The following PRELID2 variants were observed in gnomAD, a reference collection of about 807,000 sequenced individuals.
PRELID2 encodes PRELI domain containing 2, also known as PRELI domain-containing protein 2.
PRELID2 carries 25 observed loss-of-function variants against 28.4 expected under a neutral mutation model. The ratio of observed to expected loss-of-function variants is 0.88; its 90% CI spans 0.64 to 1.23. PRELID2 has a LOEUF of 1.23. Ranked by LOEUF, PRELID2 falls within the 50% of genes most tolerant of loss-of-function variation. The pLI is 0.00. For synonymous variants in PRELID2, 76 were observed against 71.6 expected, an observed-to-expected ratio of 1.06 and a Z score of -0.31; for missense variants, 201 against 214.4, an observed-to-expected ratio of 0.94 and a Z score of 0.39.
intron 1 of PRELID2, among the ~76,000 whole-genome samples, chr5:145,623,941 G>A (rs548770282): frequency 1.3e-4 from 20 of 152,244 alleles, no homozygotes; most frequent in Non-Finnish European, 2.2e-4. Flanking sequence ...TCAGATGCCA[G>A]TTGCAAGTAC....
chr5:145,454,377 G>C, the PRELID2 span, among the ~76,000 whole-genome samples: 1 of 152,162 alleles, frequency 6.6e-6, no homozygotes, highest in Admixed American at 6.5e-5. Flanking sequence ...CACAAGACAA[G>C]GATGCCCTCT....
At chr5:145,351,132 T>C in the PRELID2 span, among the ~76,000 whole-genome samples, 1 of 152,122 alleles carries the variant, frequency 6.6e-6, no homozygotes, top group Non-Finnish European at 1.5e-5. Flanking sequence ...AGCCAGTAAA[T>C]GGCAGAGATG....
intron 5 of PRELID2, among the ~76,000 whole-genome samples, chr5:145,782,079 G>A (rs565397510): frequency 2.6e-5 from 4 of 152,176 alleles, no homozygotes; most frequent in Non-Finnish European, 5.9e-5. Context: ...GGGTGTGAGA[G>A]TAGAGGAACA....
the PRELID2 span, among the ~76,000 whole-genome samples, chr5:145,309,249 A>G: frequency 6.6e-6 from 1 of 152,194 alleles, no homozygotes; most frequent in South Asian, 2.1e-4. Context: ...CTTGAAGCTC[A>G]AAAGAGAAGG....
chr5:145,625,723 T>G (rs1166184367), intron 1 of PRELID2, among the ~76,000 whole-genome samples: 1 of 152,166 alleles, frequency 6.6e-6, no homozygotes, highest in East Asian at 1.9e-4. Flanking sequence ...CCTCTGGCAC[T>G]GTCAGAAAAT....
the PRELID2 span, chr5:145,451,134 G>A: frequency 6.6e-6 from 1 of 152,220 alleles, no homozygotes; most frequent in African/African-American, 2.4e-5. Flanking sequence ...ATTTCTGTGT[G>A]TTGACTTCAA....
chr5:145,806,549 TAA>T (rs1288478183), intron 4 of PRELID2, among the ~76,000 whole-genome samples: 1 of 152,224 alleles, frequency 6.6e-6, no homozygotes, highest in Non-Finnish European at 1.5e-5. Flanking sequence ...AAATATTTTA[TAA>T]GTTAGGAGTA....
chr5:145,433,211 G>A, the PRELID2 span, among the ~76,000 whole-genome samples: 1 of 152,104 alleles, frequency 6.6e-6, no homozygotes, highest in African/African-American at 2.4e-5. Flanking sequence ...TATTTTTAAT[G>A]ACAAAAGGAA....
At chr5:145,777,715 A>G (rs1758501887) in intron 5 of PRELID2, among the ~76,000 whole-genome samples, 1 of 152,156 alleles carries the variant, frequency 6.6e-6, no homozygotes, top group African/African-American at 2.4e-5. Flanking sequence ...CTGCAGACCC[A>G]GGCCTCCTGC....
intron 1 of PRELID2, among the ~76,000 whole-genome samples, chr5:145,748,115 T>A (rs1561572180): frequency 6.6e-6 from 1 of 152,162 alleles, no homozygotes; most frequent in Non-Finnish European, 1.5e-5. Context: ...GGATGCCCTC[T>A]CTCACCACTC....
chr5:145,724,602 T>TAA lies in PRELID2; in HGVS notation n.70+40328_70+40329insTT, dbSNP rs1456879116. ...ACTGAAATAACAAGAAGTAAATAAA[T>TAA]ATATATATATATATATATATATATA... On this transcript the variant is annotated intron_variant and non_coding_transcript_variant, in intron 1 of 2. Transcript: ENST00000510259. 2.1e-3 allele frequency among the ~76,000 whole-genome samples: 57 copies of TAA among 27,774 alleles called. 3 individuals are homozygous for TAA. Among genetic ancestry groups the TAA allele is most frequent in the African/African-American group, 0.012 (34 of 2,774 alleles). The allele number at this position is 27,774 out of a possible 152,430, so 18.2% of individuals were successfully genotyped here.
chr5:145,340,770 C>CATATATATATATAT, the PRELID2 span, among the ~76,000 whole-genome samples: 614 of 116,486 alleles, frequency 5.3e-3, 6 homozygotes, highest in East Asian at 0.018. Flanking sequence ...TAAAAATATA[C>CATATATATATATAT]ATATATATAT....
intron 1 of PRELID2, among the ~76,000 whole-genome samples, chr5:145,724,452 T>C (rs925575639): frequency 2.0e-5 from 3 of 151,064 alleles, no homozygotes; most frequent in African/African-American, 7.3e-5. Flanking sequence ...ATAATACCAA[T>C]ATTAAGGTGA....
chr5:145,301,266 A>G, the PRELID2 span, among the ~76,000 whole-genome samples: 1 of 152,116 alleles, frequency 6.6e-6, no homozygotes, highest in Admixed American at 6.6e-5. Context: ...ATTTTGATGT[A>G]CTTTTTCACC....
intron 1 of PRELID2, among the ~76,000 whole-genome samples, chr5:145,600,163 T>G (rs979961409): frequency 2.7e-5 from 4 of 145,456 alleles, no homozygotes; most frequent in African/African-American, 1.1e-4. Flanking sequence ...GTTAACATTT[T>G]TATTCAATAA....
chr5:145,682,670 T>C (rs1754959974), intron 1 of PRELID2, among the ~76,000 whole-genome samples: 1 of 151,944 alleles, frequency 6.6e-6, no homozygotes, highest in Admixed American at 6.6e-5. Flanking sequence ...ACAGCAGCCA[T>C]GAGGAGGGAA....
chr5:145,629,366 C>G (rs956284755), intron 1 of PRELID2, among the ~76,000 whole-genome samples: 8 of 152,290 alleles, frequency 5.3e-5, no homozygotes, highest in Admixed American at 3.9e-4. Context: ...CAAGGAGCAT[C>G]TTGACATTTT....
downstream of PRELID2, among the ~76,000 whole-genome samples, chr5:145,470,245 A>G (rs895082622): frequency 6.6e-6 from 1 of 152,120 alleles, no homozygotes; most frequent in African/African-American, 2.4e-5. Flanking sequence ...CATAGACAAT[A>G]TATAAACAAG....
the PRELID2 span, among the ~76,000 whole-genome samples, chr5:145,330,424 A>G: frequency 2.0e-5 from 3 of 152,056 alleles, no homozygotes; most frequent in African/African-American, 2.4e-5. Context: ...TGGTTGGTAG[A>G]CTATTAATTG....
Sources: gnomAD v4.1 joint callset for allele counts (sites outside exome capture counted in the v4.1 genomes callset) on GRCh38, gnomAD v4.1.1 for gene constraint, MANE v1.5 for transcripts, NCBI Gene and HGNC (gene_info 2026-07-23, HGNC 2026-07-21) for gene names.